The following MXI1 variants were observed in gnomAD, a reference collection of about 807,000 sequenced individuals.
MXI1 encodes the protein max-interacting protein 1.
MXI1 carries 18 observed loss-of-function variants against 36.9 expected under a neutral mutation model. That is an observed-to-expected ratio of 0.49 (90% CI 0.34 to 0.72). The LOEUF (loss-of-function observed/expected upper bound fraction) is 0.72. MXI1 is among the 30% of genes least tolerant of loss of function. The pLI is 0.01. For synonymous variants in MXI1, 160 were observed against 146.7 expected (o/e 1.09, Z -0.65); for missense variants, 304 against 379.1 (o/e 0.80, Z 1.64).
rs1172682050 is a variant in MXI1 at position 110,279,934 on chromosome 10, A to G, written c.573A>G (p.Arg191=). Residue 191 remains arginine (R), a synonymous_variant, in exon 5 of 6, where the codon AGA becomes AGG. Coordinates refer to ENST00000332674, the MANE Select transcript of MXI1 (RefSeq NM_130439.3). ...TTCAGAAACTTGAAGAAGCTGAAAG[A>G]AAAAGCCAGCACCAGCTCGAGAATT... ...AHIKKLEEAE[R]KSQHQLENLE... 1 of 1,607,396 alleles carries G rather than the reference A, an allele frequency of 6.2e-7. No homozygotes were observed. Among genetic ancestry groups the G allele is most frequent in the Admixed American group, 1.7e-5 (1 of 58,038 alleles).
chr10:110,228,235 C>G lies in MXI1; in HGVS notation c.321C>G (p.Pro107=). ...CTTCATTCCCGTCCATGCCGAGCCC[C>G]CGACTGCAGCATTCAAAGCCCCCAC... The part of the protein sequence containing the change: ...YASSFPSMPS[P]RLQHSKPPRR... Residue 107 remains proline, a synonymous_variant, in exon 2 of 6, where the codon CCC becomes CCG. Transcript: ENST00000332674. The G allele has an allele frequency of 6.2e-7, 1 of 1,614,084 alleles. No homozygotes were observed. The highest frequency in any genetic ancestry group is 8.5e-7 in the Non-Finnish European group (1 of 1,179,986).
chr10:110,267,545 A>G (rs910251121), intron 3 of MXI1, among the ~76,000 whole-genome samples: 3 of 152,238 alleles, frequency 2.0e-5, no homozygotes. Context: ...ATTCCTTTAC[A>G]GAACAGCTTG....
At chr10:110,274,615 A>T (rs878959116) in intron 3 of MXI1, among the ~76,000 whole-genome samples, 1 of 152,228 alleles carries the variant, frequency 6.6e-6, no homozygotes, top group Non-Finnish European at 1.5e-5. Flanking sequence ...CTAAATTTTT[A>T]AAAATCAGTT....
At chr10:110,261,306 G>T (rs1856500632) in intron 3 of MXI1, among the ~76,000 whole-genome samples, 1 of 151,986 alleles carries the variant, frequency 6.6e-6, no homozygotes, top group Admixed American at 6.6e-5. Flanking sequence ...CGTTGGAAAT[G>T]AGAGCTGTGC....
At chr10:110,238,906 G>A (rs2134380430) in intron 2 of MXI1, among the ~76,000 whole-genome samples, 1 of 152,238 alleles carries the variant, frequency 6.6e-6, no homozygotes, top group South Asian at 2.1e-4. Context: ...AATGTATGAT[G>A]TATGTAGAAT....
intron 2 of MXI1, among the ~76,000 whole-genome samples, chr10:110,241,356 C>T (rs1458951934): frequency 1.3e-5 from 2 of 151,910 alleles, no homozygotes; most frequent in Admixed American, 1.3e-4. Context: ...ATGGGTTATT[C>T]AGAACATCTC....
At chr10:110,222,676 G>C (rs1323308278) in intron 1 of MXI1, among the ~76,000 whole-genome samples, 1 of 152,196 alleles carries the variant, frequency 6.6e-6, no homozygotes, top group African/African-American at 2.4e-5. Context: ...TAGGATTCCA[G>C]GTTCTTATGT....
chr10:110,224,454 G>A (rs781247134), intron 1 of MXI1, among the ~76,000 whole-genome samples: 2 of 152,132 alleles, frequency 1.3e-5, no homozygotes, highest in Admixed American at 1.3e-4. Flanking sequence ...CATCTAGTGG[G>A]TAGAGGCCAG....
At chr10:110,232,980 C>A (rs1356378441) in intron 2 of MXI1, among the ~76,000 whole-genome samples, 2 of 152,146 alleles carry the variant, frequency 1.3e-5, no homozygotes, top group African/African-American at 2.4e-5. Context: ...TTGAAAGAAA[C>A]AGAAGTCTTT....
intron 3 of MXI1, among the ~76,000 whole-genome samples, chr10:110,251,820 G>C (rs1417600209): frequency 2.0e-5 from 3 of 152,130 alleles, no homozygotes; most frequent in Non-Finnish European, 2.9e-5. Context: ...ATCATAAGCT[G>C]TGTTCAGGAA....
chr10:110,218,354 GC>G (rs1564705125), intron 1 of MXI1, among the ~76,000 whole-genome samples: 1 of 151,896 alleles, frequency 6.6e-6, no homozygotes, highest in Non-Finnish European at 1.5e-5. Flanking sequence ...GGAGGCTGAA[GC>G]AGGAGAATGG....
rs1218852495 is a variant in MXI1, at chr10:110,287,197, A to G, written c.*2210A>G. On this transcript the variant is annotated 3_prime_UTR_variant, in exon 6 of 6. Transcript: ENST00000332674. ...GATTATGGGCTGGAAAGCATTTGTT[A>G]TAAACCTATAGTGCACATTTTAACT... 6.6e-6 allele frequency: 1 copy of G among 152,224 alleles called. No homozygotes were observed. Among genetic ancestry groups the G allele is most frequent in the Non-Finnish European group, 1.5e-5 (1 of 68,040 alleles). 9.4% of individuals were successfully genotyped at this position (152,224 alleles called of 1,614,324 possible). A position where few individuals can be genotyped will look rare whatever the true frequency, so the allele number is the denominator to read the frequency against.
intron 1 of MXI1, chr10:110,227,903 T>C: frequency 2.5e-6 from 1 of 394,998 alleles, no homozygotes; most frequent in Non-Finnish European, 4.7e-6. Flanking sequence ...ACAAAATTTT[T>C]GTTCTAAAGC....
chr10:110,266,552 T>C (rs947928831), intron 3 of MXI1, among the ~76,000 whole-genome samples: 2 of 152,190 alleles, frequency 1.3e-5, no homozygotes, highest in Non-Finnish European at 2.9e-5. Flanking sequence ...GATCAATCTA[T>C]CATTACCTCT....
At chr10:110,223,153 A>G (rs1854860438) in intron 1 of MXI1, among the ~76,000 whole-genome samples, 1 of 152,252 alleles carries the variant, frequency 6.6e-6, no homozygotes, top group Admixed American at 6.5e-5. Context: ...AAGGCCATGC[A>G]TAGGCCCCAG....
chr10:110,268,787 G>C (rs903779025), intron 3 of MXI1, among the ~76,000 whole-genome samples: 26 of 151,974 alleles, frequency 1.7e-4, no homozygotes, highest in African/African-American at 6.3e-4. Context: ...ACAGTATAAT[G>C]AAAGAGAGGT....
intron 1 of MXI1, chr10:110,226,378 G>A (rs1223269208): frequency 1.5e-6 from 2 of 1,327,344 alleles, no homozygotes; most frequent in Non-Finnish European, 1.9e-6. Context: ...TGTGAGGTGC[G>A]CGCATGAGGT....
intron 3 of MXI1, among the ~76,000 whole-genome samples, chr10:110,276,655 G>GTGC (rs1415591771): frequency 5.9e-5 from 9 of 151,928 alleles, no homozygotes; most frequent in African/African-American, 2.2e-4. Context: ...GTCTGGAACA[G>GTGC]TGCTGAGTAT....
chr10:110,233,741 TC>T (rs1201221324), intron 2 of MXI1, among the ~76,000 whole-genome samples: 1 of 152,110 alleles, frequency 6.6e-6, no homozygotes, highest in Admixed American at 6.5e-5. Context: ...AATGAAAAAT[TC>T]CCAAGAATTA....
Sources: allele counts gnomAD v4.1 joint callset (sites outside exome capture counted in the v4.1 genomes callset), GRCh38; gene constraint gnomAD v4.1.1; transcripts MANE v1.5; gene names NCBI Gene and HGNC (gene_info 2026-07-23, HGNC 2026-07-21).